POT1: variants seen among roughly 807,000 people sequenced by gnomAD.
The protein encoded by POT1 is protection of telomeres 1, also known as protection of telomeres protein 1.
In POT1, 47 loss-of-function variants were observed where a neutral mutation model predicts 78.5. The observed-to-expected ratio is 0.60, with a 90% CI of 0.47 to 0.76. POT1 has a LOEUF of 0.76. Among genes scored for constraint, POT1 ranks in the 30% least tolerant of loss-of-function variants. The pLI, the probability that POT1 is intolerant of heterozygous loss-of-function variation, is 0.00. For synonymous variants in POT1, 259 were observed against 260.7 expected (o/e 0.99, Z 0.06); for missense variants, 646 against 749.9 (o/e 0.86, Z 1.62).
intron 9 of POT1, among the ~76,000 whole-genome samples, chr7:124,855,782 A>G (rs1235312912): frequency 6.6e-6 from 1 of 152,010 alleles, no homozygotes; most frequent in African/African-American, 2.4e-5. Flanking sequence ...CTTTAGGTTT[A>G]TTATTTTTAA....
intron 7 of POT1, among the ~76,000 whole-genome samples, chr7:124,867,193 C>T (rs958871967): frequency 3.3e-5 from 5 of 152,212 alleles, no homozygotes; most frequent in Non-Finnish European, 5.9e-5. Context: ...TCCACCACCA[C>T]TGTAGTCTAA....
chr7:124,911,661 T>C (rs1012738902), intron 3 of POT1, among the ~76,000 whole-genome samples: 1 of 152,178 alleles, frequency 6.6e-6, no homozygotes, highest in African/African-American at 2.4e-5. Flanking sequence ...TTTCCTTTTC[T>C]TTGTTCAAAG....
intron 17 of POT1, 105 bp from the exon 18 acceptor site, chr7:124,825,462 A>C (rs1402634826): frequency 6.3e-6 from 4 of 635,872 alleles, no homozygotes; most frequent in Non-Finnish European, 7.5e-6. Context: ...GATAATCTAG[A>C]CAGTTTCCCT....
intron 12 of POT1, among the ~76,000 whole-genome samples, chr7:124,846,162 GACACACAC>G (rs60301966): frequency 2.0e-5 from 3 of 148,824 alleles, no homozygotes; most frequent in African/African-American, 7.5e-5. Context: ...CATTCATACT[GACACACAC>G]ACACACACAC....
rs1197799794 is a variant in POT1, at chr7:124,822,574, T to C, written c.*1388A>G. 2.2e-6 allele frequency: 1 copy of C among 455,790 alleles called. No homozygotes were observed. The highest frequency in any genetic ancestry group is 2.0e-5 in the African/African-American group (1 of 50,174). The allele number at this position is 455,790 out of a possible 1,614,324, so 28.2% of individuals were successfully genotyped here. On this transcript the variant is annotated 3_prime_UTR_variant, in exon 19 of 19. Transcript: ENST00000357628. ...TTCCTGAAGGCAGAAAAAATGTTTA[T>C]TTCACCTTTGTATCCTGAGCACATC... is the stretch of plus-strand genomic sequence containing the variant.
At chr7:124,884,865 A>G (rs1796207011) in intron 6 of POT1, among the ~76,000 whole-genome samples, 1 of 152,198 alleles carries the variant, frequency 6.6e-6, no homozygotes, top group Non-Finnish European at 1.5e-5. Flanking sequence ...TTGTAAGAGC[A>G]GATAATAAAA....
intron 17 of POT1, among the ~76,000 whole-genome samples, chr7:124,826,095 G>T: frequency 6.6e-6 from 1 of 152,158 alleles, no homozygotes; most frequent in East Asian, 1.9e-4. Context: ...GGAGCATGTG[G>T]TATCAGCTTG....
At chr7:124,899,029 C>T (rs1007209342) in intron 3 of POT1, among the ~76,000 whole-genome samples, 1 of 152,112 alleles carries the variant, frequency 6.6e-6, no homozygotes, top group Admixed American at 6.6e-5. Flanking sequence ...ATTTTAACAA[C>T]GAAACCTTAA....
In POT1 at chr7:124,838,898, C is replaced by T. The variant is rs183982243; in HGVS notation, c.1369+2075G>A. 2.6e-5 allele frequency among the ~76,000 whole-genome samples: 4 copies of T among 152,206 alleles called. No individual in the cohort carries two copies. The East Asian group carries it at 7.7e-4, about 29-fold the overall frequency. On this transcript the variant is annotated intron_variant, in intron 14 of 18. Coordinates refer to ENST00000357628, the MANE Select transcript of POT1 (RefSeq NM_015450.3). ...AAGATTACCAGAGTGAGCCACTGCG[C>T]CCAGCTGGCAATCTTAATAAAAATC... is the stretch of plus-strand genomic sequence containing the variant.
chr7:124,824,016 A>T lies in POT1; in HGVS notation c.1851T>A (p.Asp617Glu), dbSNP rs142059197. 1 of 1,609,376 alleles carries T rather than the reference A, an allele frequency of 6.2e-7. No individual in the cohort carries two copies. The highest frequency in any genetic ancestry group is 8.5e-7 in the Non-Finnish European group (1 of 1,176,634). ...CAAAAATCTGATAGCAAATTTGATT[A>T]TCTGTTCCATTTGTGACATTGTATG... ...IKSYNVTNGT[D>E]NQICYQIFDT... The change falls in exon 19 of 19, where the codon GAT becomes GAA. Residue 617 changes from aspartate to glutamate, a missense_variant. By Grantham distance (45) the Asp-to-Glu change is conservative. Around this residue, in one of 2 missense-constraint regions of POT1, gnomAD observed 394 missense variants for 408.4 expected, o/e 0.96. Coordinates refer to ENST00000357628, the MANE Select transcript of POT1 (RefSeq NM_015450.3).
At chr7:124,848,059 T>C (rs941553013) in intron 11 of POT1, among the ~76,000 whole-genome samples, 5 of 152,138 alleles carry the variant, frequency 3.3e-5, no homozygotes, top group Non-Finnish European at 7.3e-5. Flanking sequence ...ACTAATGATA[T>C]ATGCAACAAT....
rs554016399 is a variant in POT1 at position 124,909,382 on chromosome 7, C to T, written c.-154+6192G>A. Among the ~76,000 whole-genome samples the T allele has an allele frequency of 5.3e-5, 8 of 151,934 alleles. No homozygotes were observed. The South Asian group carries it at 6.2e-4, about 12-fold the overall frequency. On this transcript the variant is annotated intron_variant, in intron 3 of 18. Coordinates refer to ENST00000357628, the MANE Select transcript of POT1 (RefSeq NM_015450.3). ...TTAGGATTATTGTATTCAAATACAACGCTACCCTTAAGCAAACAAGCAAAT... is the reference window on the plus strand; with the variant it reads ...TTAGGATTATTGTATTCAAATACAATGCTACCCTTAAGCAAACAAGCAAAT...
chr7:124,834,571 G>C (rs1443601519), intron 15 of POT1, among the ~76,000 whole-genome samples: 1 of 151,656 alleles, frequency 6.6e-6, no homozygotes, highest in Non-Finnish European at 1.5e-5. Flanking sequence ...TTAGAATGGC[G>C]ATCATTAAAA....
Position 124,870,997 on chromosome 7 carries a change from G to C in POT1, c.169C>G (p.Leu57Val). ...TTTCCACTAAAGAGCAGGCAAGTTA[G>C]TTTTACATTTGTCTGGTCCACAATA... ...VTIVDQTNVK[L>V]TCLLFSGNYE... Residue 57 changes from leucine to valine, a missense_variant, in exon 7 of 19, where the codon CTA (leucine) becomes GTA (valine). Leu to Val is a conservative substitution (Grantham distance 32). Around this residue, in one of 2 missense-constraint regions of POT1, gnomAD observed 252 missense variants for 341.4 expected, o/e 0.74. Transcript: ENST00000357628. The C allele has an allele frequency of 6.2e-7, 1 of 1,610,162 alleles. No individual in the cohort carries two copies. Among genetic ancestry groups the C allele is most frequent in the South Asian group, 1.1e-5 (1 of 90,668 alleles).
At chr7:124,907,780 T>A (rs2116676704) in intron 3 of POT1, among the ~76,000 whole-genome samples, 1 of 152,214 alleles carries the variant, frequency 6.6e-6, no homozygotes. Flanking sequence ...GAAATCTCTC[T>A]AACTTTCTCT....
At chr7:124,873,134 C>T (rs1185239230) in intron 6 of POT1, among the ~76,000 whole-genome samples, 2 of 152,112 alleles carry the variant, frequency 1.3e-5, no homozygotes. Context: ...TTAATGTTGG[C>T]TGTGCAGAAG....
At chr7:124,926,755 T>C (rs184600452) in intron 2 of POT1, among the ~76,000 whole-genome samples, 8 of 152,302 alleles carry the variant, frequency 5.3e-5, no homozygotes, top group Non-Finnish European at 1.2e-4. Context: ...TTAAAAAGAA[T>C]GAAATTATGT....
intron 3 of POT1, among the ~76,000 whole-genome samples, chr7:124,912,669 C>A (rs1336408284): frequency 1.3e-5 from 2 of 152,160 alleles, no homozygotes; most frequent in Non-Finnish European, 2.9e-5. Flanking sequence ...TAGGGCCTGA[C>A]TCCTCATAGG....
At chr7:124,864,905 G>C (rs1364081668) in intron 7 of POT1, among the ~76,000 whole-genome samples, 3 of 152,036 alleles carry the variant, frequency 2.0e-5, no homozygotes, top group Admixed American at 6.6e-5. Flanking sequence ...ATCATTTCTT[G>C]TATTTTTGTC....
Sources: gnomAD v4.1 joint callset for allele counts (sites outside exome capture counted in the v4.1 genomes callset) on GRCh38, gnomAD v4.1.1 for gene constraint, gnomAD v4.1.1 regional missense constraint, MANE v1.5 for transcripts, NCBI Gene and HGNC (gene_info 2026-07-23, HGNC 2026-07-21) for gene names.